CNTNAP5: variants seen among roughly 807,000 people sequenced by gnomAD.
The protein encoded by CNTNAP5 is contactin associated protein family member 5, also known as contactin-associated protein-like 5.
In CNTNAP5, 72 loss-of-function variants were observed where a neutral mutation model predicts 150.2. The observed-to-expected ratio is 0.48, with a 90% confidence interval of 0.40 to 0.58. The LOEUF is 0.58. Ranked by LOEUF, CNTNAP5 falls within the 20% of genes least tolerant of loss-of-function variation. CNTNAP5 has a pLI of 0.00. For synonymous variants in CNTNAP5, 672 were observed against 619.8 expected, an observed-to-expected ratio of 1.08 and a Z score of -1.25; for missense variants, 1,636 against 1,626.2, an observed-to-expected ratio of 1.01 and a Z score of -0.10.
At chr2:124,132,630 TATA>T (rs1302144788) in intron 1 of CNTNAP5, among the ~76,000 whole-genome samples, 33 of 152,202 alleles carry the variant, frequency 2.2e-4, no homozygotes, top group African/African-American at 7.7e-4. Context: ...ATAATTGTGA[TATA>T]ATATTACTAA....
At chr2:124,607,069 C>T (rs746905219) in intron 11 of CNTNAP5, among the ~76,000 whole-genome samples, 10 of 152,122 alleles carry the variant, frequency 6.6e-5, no homozygotes, top group African/African-American at 1.2e-4. Flanking sequence ...GAGGGAGGCT[C>T]TTTTTGAGTT....
intron 13 of CNTNAP5, among the ~76,000 whole-genome samples, chr2:124,745,548 C>T (rs1190661058): frequency 2.0e-5 from 3 of 152,008 alleles, no homozygotes; most frequent in African/African-American, 4.8e-5. Context: ...TTGGCTCACC[C>T]GAGCAGGGAT....
intron 22 of CNTNAP5, among the ~76,000 whole-genome samples, chr2:124,904,863 G>A (rs1158380529): frequency 6.6e-6 from 1 of 151,338 alleles, no homozygotes; most frequent in Admixed American, 6.6e-5. Flanking sequence ...ATCAACAAGA[G>A]CGAAAATTTA....
chr2:124,567,174 T>G (rs1368934200), intron 11 of CNTNAP5, among the ~76,000 whole-genome samples: 1 of 152,144 alleles, frequency 6.6e-6, no homozygotes, highest in East Asian at 1.9e-4. Flanking sequence ...ACTTTTTTTG[T>G]CCAGCCTTTG....
chr2:124,911,168 G>A (rs1352180148), intron 22 of CNTNAP5, among the ~76,000 whole-genome samples: 1 of 151,818 alleles, frequency 6.6e-6, no homozygotes, highest in Non-Finnish European at 1.5e-5. Context: ...AGGCAACAGG[G>A]GACATTAGGA....
chr2:124,863,309 G>A (rs1677563271), intron 19 of CNTNAP5, among the ~76,000 whole-genome samples: 1 of 152,212 alleles, frequency 6.6e-6, no homozygotes. Context: ...ACCAGTGCAC[G>A]AGATGGGCCT....
intron 13 of CNTNAP5, among the ~76,000 whole-genome samples, chr2:124,665,855 C>G (rs937761527): frequency 6.7e-6 from 1 of 149,628 alleles, no homozygotes. Context: ...CACTGCACTC[C>G]GGCCTGGGCG....
chr2:124,114,349 A>G lies in CNTNAP5; in HGVS notation c.82+88617A>G, dbSNP rs1022743680. Among the ~76,000 whole-genome samples, 3 of 152,128 alleles carry G rather than the reference A, an allele frequency of 2.0e-5. No homozygotes were observed. The East Asian group carries it at 5.8e-4, about 29-fold the overall frequency. ...AATACAAGGCTGTGCTTCTCTAGTT[A>G]CATTTATTCTTAGATATTAATATTT... On this transcript the variant is annotated intron_variant, in intron 1 of 23. Coordinates refer to ENST00000682447, the MANE Select transcript of CNTNAP5 (RefSeq NM_001367498.1).
chr2:124,059,496 G>C (rs2104651808), intron 1 of CNTNAP5, among the ~76,000 whole-genome samples: 1 of 152,246 alleles, frequency 6.6e-6, no homozygotes, highest in South Asian at 2.1e-4. Context: ...TCTACTACCT[G>C]TGTGGTTGTG....
chr2:124,838,999 T>C (rs1181399359), intron 19 of CNTNAP5, among the ~76,000 whole-genome samples: 2 of 152,068 alleles, frequency 1.3e-5, no homozygotes, highest in Non-Finnish European at 2.9e-5. Context: ...ATATCCATAC[T>C]AGTAGAAATA....
chr2:124,297,400 T>A (rs889411458), intron 3 of CNTNAP5, among the ~76,000 whole-genome samples: 1 of 152,166 alleles, frequency 6.6e-6, no homozygotes, highest in Admixed American at 6.5e-5. Context: ...ATACACCCTT[T>A]GGATCTTTAC....
In CNTNAP5 at chr2:124,709,932, C is replaced by T. The variant is rs10496639; in HGVS notation, c.2078-37297C>T. ...TAGCTTCTATTTTTCTCAGAGTACA[C>T]CATGGTTTTCTTAGGTTTCTCAATG... is the stretch of plus-strand genomic sequence containing the variant. On this transcript the variant is annotated intron_variant, in intron 13 of 23. Coordinates refer to ENST00000682447, the MANE Select transcript of CNTNAP5 (RefSeq NM_001367498.1). Among the ~76,000 whole-genome samples the T allele has an allele frequency of 7.6e-3, 1,152 of 152,092 alleles. 11 individuals are homozygous for T. The highest frequency in any genetic ancestry group is 0.02 in the South Asian group (98 of 4,820).
chr2:124,718,265 A>G (rs1222987373), intron 13 of CNTNAP5, among the ~76,000 whole-genome samples: 1 of 152,182 alleles, frequency 6.6e-6, no homozygotes, highest in Non-Finnish European at 1.5e-5. Context: ...TGCTTAAGAA[A>G]GCTGTTCTAT....
At position 124,535,515 on chromosome 2, in the gene CNTNAP5, G is replaced by T. The variant is rs910664654; in HGVS notation, c.1649+8059G>T. Among the ~76,000 whole-genome samples the T allele has an allele frequency of 2.0e-5, 3 of 150,804 alleles. No homozygotes were observed. The East Asian group carries it at 5.9e-4, about 30-fold the overall frequency. ...GTGGTGGCTCACGCCTGTAATCCCAGCACTTTGGGAGGCCAAGAAGGGCGG... is the reference window on the plus strand; with the variant it reads ...GTGGTGGCTCACGCCTGTAATCCCATCACTTTGGGAGGCCAAGAAGGGCGG... On this transcript the variant is annotated intron_variant, in intron 10 of 23. Coordinates refer to ENST00000682447, the MANE Select transcript of CNTNAP5 (RefSeq NM_001367498.1).
chr2:124,427,582 G>A lies in CNTNAP5; in HGVS notation c.530-6902G>A, dbSNP rs369819628. On this transcript the variant is annotated intron_variant, in intron 4 of 23. Coordinates refer to ENST00000682447, the MANE Select transcript of CNTNAP5 (RefSeq NM_001367498.1). Reference sequence around the variant, plus strand: ...AGCAATTCTCCTGCCTCAGCCTCCCGAGTAGCTGGGATTACAGGTGCCCAC... The same window carrying A: ...AGCAATTCTCCTGCCTCAGCCTCCCAAGTAGCTGGGATTACAGGTGCCCAC... 3.3e-4 allele frequency among the ~76,000 whole-genome samples: 50 copies of A among 151,556 alleles called. No individual in the cohort carries two copies. In the South Asian group the frequency reaches 8.4e-3, roughly 25 times the overall value.
At chr2:124,850,177 C>T (rs1455778315) in intron 19 of CNTNAP5, among the ~76,000 whole-genome samples, 1 of 152,090 alleles carries the variant, frequency 6.6e-6, no homozygotes, top group East Asian at 1.9e-4. Context: ...TTGGTAATAA[C>T]AGTAAAAATA....
At chr2:124,434,833 C>A in intron 5 of CNTNAP5, 146 bp downstream of exon 5, 2 of 671,278 alleles carry the variant, frequency 3.0e-6, no homozygotes, top group Non-Finnish European at 5.1e-6. Context: ...ATGTTTAAGG[C>A]ATGTATAGCA....
At chr2:124,634,775 A>G (rs559673312) in intron 12 of CNTNAP5, among the ~76,000 whole-genome samples, 2 of 152,250 alleles carry the variant, frequency 1.3e-5, no homozygotes, top group African/African-American at 4.8e-5. Context: ...AAGTGTTAGG[A>G]TTACAGATGT....
chr2:124,722,072 T>C (rs2105117170), intron 13 of CNTNAP5, among the ~76,000 whole-genome samples: 1 of 152,186 alleles, frequency 6.6e-6, no homozygotes, highest in African/African-American at 2.4e-5. Context: ...TACCTTCATT[T>C]TTTAAAAGAC....
Sources: gnomAD v4.1 joint callset for allele counts (sites outside exome capture counted in the v4.1 genomes callset) on GRCh38, gnomAD v4.1.1 for gene constraint, MANE v1.5 for transcripts, NCBI Gene and HGNC (gene_info 2026-07-23, HGNC 2026-07-21) for gene names.